KCNU1: variants seen among roughly 807,000 people sequenced by gnomAD.
The protein encoded by KCNU1 is potassium calcium-activated channel subfamily U member 1.
In KCNU1, 93 loss-of-function variants were observed where a neutral mutation model predicts 126.8. The observed-to-expected ratio is 0.73, with a 90% CI of 0.62 to 0.87. The LOEUF (loss-of-function observed/expected upper bound fraction) is 0.87, where lower values mean the gene tolerates loss of function less well. KCNU1 is among the 40% of genes least tolerant of loss of function. KCNU1 has a pLI of 0.00. For missense variants in KCNU1, 1,330 were observed against 1,367.1 expected, an observed-to-expected ratio of 0.97 and a Z score of 0.43; for synonymous variants, 523 against 494.2, an observed-to-expected ratio of 1.06 and a Z score of -0.77.
chr8:36,831,691 T>G (rs1213534730), intron 10 of KCNU1, among the ~76,000 whole-genome samples: 2 of 148,764 alleles, frequency 1.3e-5, no homozygotes, highest in Non-Finnish European at 3.0e-5. Flanking sequence ...TGTGAAAATT[T>G]TCTCCCATTT....
At chr8:36,815,150 G>A (rs971261757) in intron 8 of KCNU1, among the ~76,000 whole-genome samples, 25 of 152,180 alleles carry the variant, frequency 1.6e-4, no homozygotes, top group African/African-American at 6.0e-4. Flanking sequence ...GGCCAACATG[G>A]AGGCATTCCA....
At chr8:36,821,485 G>T (rs1019593066) in intron 10 of KCNU1, among the ~76,000 whole-genome samples, 1 of 152,148 alleles carries the variant, frequency 6.6e-6, no homozygotes, top group Non-Finnish European at 1.5e-5. Context: ...ATCAGGACTA[G>T]ATGTATTTAG....
intron 19 of KCNU1, among the ~76,000 whole-genome samples, chr8:36,891,198 T>G (rs534315437): frequency 6.6e-6 from 1 of 152,094 alleles, no homozygotes; most frequent in East Asian, 1.9e-4. Context: ...TCTTTTAGAG[T>G]ATTTTTATTT....
At position 36,802,019 on chromosome 8, in the gene KCNU1, GA is replaced by G. The variant is rs1256882051; in HGVS notation, c.316-2006del. ...AGCTACTCCGGAGACTGAGGCAGGA[GA>G]ATTGCTTGAAACCGGAAGGCGGAGG... On this transcript the variant is annotated intron_variant, in intron 2 of 26. Coordinates refer to ENST00000399881, the MANE Select transcript of KCNU1 (RefSeq NM_001031836.3). 8.1e-5 allele frequency among the ~76,000 whole-genome samples: 12 copies of G among 147,348 alleles called. No individual in the cohort carries two copies. The Admixed American group carries it at 8.3e-4, about 10-fold the overall frequency.
At chr8:36,807,806 G>C (rs548703642) in intron 6 of KCNU1, among the ~76,000 whole-genome samples, 21 of 141,976 alleles carry the variant, frequency 1.5e-4, no homozygotes, top group Non-Finnish European at 3.2e-4. Context: ...TGTCTCTCCT[G>C]GCTAGGTAAA....
At chr8:36,824,053 T>C (rs956379844) in intron 10 of KCNU1, among the ~76,000 whole-genome samples, 2 of 152,092 alleles carry the variant, frequency 1.3e-5, no homozygotes, top group Non-Finnish European at 2.9e-5. Context: ...GCCGGGCTGG[T>C]CTTGAACTCC....
At chr8:36,905,224 T>C (rs1807576810) in intron 19 of KCNU1, among the ~76,000 whole-genome samples, 1 of 152,048 alleles carries the variant, frequency 6.6e-6, no homozygotes, top group Non-Finnish European at 1.5e-5. Context: ...AAAAAGTATT[T>C]ACTAAATCAG....
intron 19 of KCNU1, among the ~76,000 whole-genome samples, chr8:36,873,254 C>T (rs1048574072): frequency 6.6e-6 from 1 of 152,006 alleles, no homozygotes; most frequent in African/African-American, 2.4e-5. Context: ...TCTTTCTTTC[C>T]TTCCCCTGGC....
chr8:36,835,018 C>T (rs1205969611), intron 12 of KCNU1, 150 bp downstream of exon 12: 1 of 578,198 alleles, frequency 1.7e-6, no homozygotes, highest in African/African-American at 1.9e-5. Context: ...TTTTTGCCTG[C>T]TCCCCAAGAC....
chr8:36,808,489 TG>T (rs900770667), intron 6 of KCNU1, among the ~76,000 whole-genome samples: 2 of 152,114 alleles, frequency 1.3e-5, no homozygotes, highest in Admixed American at 1.3e-4. Flanking sequence ...TTCAGAGCTG[TG>T]TTTCTCAACC....
In KCNU1 at chr8:36,814,275, T is replaced by C; in HGVS notation, c.801T>C (p.Ile267=). The C allele has an allele frequency of 6.2e-7, 1 of 1,613,292 alleles. No homozygotes were observed. Among genetic ancestry groups the C allele is most frequent in the Non-Finnish European group, 8.5e-7 (1 of 1,179,480 alleles). Residue 267 remains isoleucine (I), a synonymous_variant, in exon 8 of 27, where the codon ATT becomes ATC. Transcript: ENST00000399881. The part of the protein sequence containing the change: ...NSQNISYFES[I]YLVMATTSTV... ...AGAATATATCATATTTTGAGTCAAT[T>C]TACCTGGTCATGGCAACAACGTCAA...
chr8:36,868,220 G>A (rs1276157289), intron 19 of KCNU1, among the ~76,000 whole-genome samples: 1 of 152,090 alleles, frequency 6.6e-6, no homozygotes, highest in Admixed American at 6.6e-5. Flanking sequence ...TAGTACCATA[G>A]AAAACAGTTT....
Position 36,935,652 on chromosome 8 carries a change from A to AAGC in KCNU1, c.3184_3186dup (p.Ala1062dup). ...CAAAAGTCATATGAAATTGTAAATA[A>AAGC]AGCATCACAGACAACAGAGACACAT... On this transcript the variant is annotated inframe_insertion, in exon 27 of 27. Transcript: ENST00000399881. 6.2e-7 allele frequency: 1 copy of AAGC among 1,613,544 alleles called. No homozygotes were observed. Among genetic ancestry groups the AAGC allele is most frequent in the South Asian group, 1.1e-5 (1 of 91,076 alleles).
intron 10 of KCNU1, among the ~76,000 whole-genome samples, chr8:36,831,549 A>T (rs1224012300): frequency 2.0e-5 from 3 of 150,980 alleles, no homozygotes; most frequent in Non-Finnish European, 4.4e-5. Flanking sequence ...TGGCTGCATA[A>T]ATGTCTTCTT....
At chr8:36,933,463 A>G (rs1381302736) in intron 26 of KCNU1, among the ~76,000 whole-genome samples, 1 of 152,146 alleles carries the variant, frequency 6.6e-6, no homozygotes, top group African/African-American at 2.4e-5. Flanking sequence ...TGCTTTTTAC[A>G]TATAAATCAT....
rs770288503 is a variant in KCNU1, at chr8:36,911,005, C to T, written c.2407C>T (p.Pro803Ser). Reference protein sequence around the residue: ...QCSMCAVLSPPPQPSSNQTLV... With the variant: ...QCSMCAVLSPSPQPSSNQTLV... ...CTCCATGTGTGCTGTCTTGTCCCCC[C>T]CACCCCAGCCATCAAGCAACCAGAC... is the stretch of plus-strand genomic sequence containing the variant. Residue 803 changes from proline (P) to serine (S), a missense_variant, in exon 22 of 27, where the codon CCA (proline) becomes TCA (serine). Pro to Ser is a moderately conservative substitution (Grantham distance 74). This residue lies in a region of KCNU1 where 1,054 missense variants were observed against 1,053.9 expected (regional missense o/e 1.00). Transcript: ENST00000399881. 4 of 1,613,634 alleles carry T rather than the reference C, an allele frequency of 2.5e-6. No homozygotes were observed. Among genetic ancestry groups the T allele is most frequent in the Non-Finnish European group, 3.4e-6 (4 of 1,179,690 alleles).
At chr8:36,897,039 A>G (rs1807218323) in intron 19 of KCNU1, among the ~76,000 whole-genome samples, 1 of 151,990 alleles carries the variant, frequency 6.6e-6, no homozygotes, top group Non-Finnish European at 1.5e-5. Flanking sequence ...CTAGTGGTGA[A>G]CCATGGGGTG....
At chr8:36,835,800 C>T (rs1804726067) in intron 12 of KCNU1, among the ~76,000 whole-genome samples, 1 of 152,120 alleles carries the variant, frequency 6.6e-6, no homozygotes, top group African/African-American at 2.4e-5. Context: ...AAAATAAACA[C>T]AGATAGCTGA....
intron 10 of KCNU1, among the ~76,000 whole-genome samples, chr8:36,829,231 T>C (rs1804439095): frequency 1.3e-5 from 2 of 152,118 alleles, no homozygotes; most frequent in Non-Finnish European, 2.9e-5. Context: ...GTCTTATTGC[T>C]GAATATTACA....
Sources: gnomAD v4.1 joint callset for allele counts (sites outside exome capture counted in the v4.1 genomes callset) on GRCh38, gnomAD v4.1.1 for gene constraint, gnomAD v4.1.1 regional missense constraint, MANE v1.5 for transcripts, NCBI Gene and HGNC (gene_info 2026-07-23, HGNC 2026-07-21) for gene names.